XPNPEP3: variants seen among roughly 807,000 people sequenced by gnomAD.
The protein encoded by XPNPEP3 is xaa-Pro aminopeptidase 3.
A neutral mutation model predicts 60.0 loss-of-function variants in XPNPEP3; 41 were observed. The ratio of observed to expected loss-of-function variants is 0.68; its 90% CI spans 0.53 to 0.89. The LOEUF (loss-of-function observed/expected upper bound fraction) is 0.89, where lower values mean the gene tolerates loss of function less well. Among genes scored for constraint, XPNPEP3 ranks in the 40% least tolerant of loss-of-function variants. The pLI, the probability that XPNPEP3 is intolerant of heterozygous loss-of-function variation, is 0.00. For missense variants in XPNPEP3, 598 were observed against 638.9 expected (o/e 0.94, Z 0.69); for synonymous variants, 212 against 223.2 (o/e 0.95, Z 0.45).
intron 7 of XPNPEP3, among the ~76,000 whole-genome samples, chr22:40,918,151 C>G (rs2058203400): frequency 6.6e-6 from 1 of 151,936 alleles, no homozygotes; most frequent in South Asian, 2.1e-4. Flanking sequence ...GCAGGAGGAT[C>G]AGTTGAGGCC....
chr22:40,882,649 A>G (rs1393236102), intron 3 of XPNPEP3, among the ~76,000 whole-genome samples: 1 of 151,158 alleles, frequency 6.6e-6, no homozygotes, highest in Admixed American at 6.6e-5. Flanking sequence ...AAAAAAAAAG[A>G]TTCATTTATT....
chr22:40,889,185 C>T (rs1016664045), intron 4 of XPNPEP3, among the ~76,000 whole-genome samples: 11 of 148,292 alleles, frequency 7.4e-5, no homozygotes, highest in Non-Finnish European at 1.5e-4. Context: ...CACATACCAC[C>T]ATGGCTGTTT....
At chr22:40,861,130 C>G (rs376934804) in intron 1 of XPNPEP3, 4 of 1,613,348 alleles carry the variant, frequency 2.5e-6, no homozygotes, top group South Asian at 1.1e-5. Context: ...CTCTTACCAC[C>G]CTCTTTGACT....
At chr22:40,872,241 T>G (rs1601493023) in intron 2 of XPNPEP3, among the ~76,000 whole-genome samples, 2 of 152,186 alleles carry the variant, frequency 1.3e-5, no homozygotes, top group African/African-American at 4.8e-5. Context: ...GTTCTAGTGA[T>G]TTTCAAAACT....
chr22:40,886,514 A>T lies in XPNPEP3; in HGVS notation c.791A>T (p.Gln264Leu), dbSNP rs1430117456. The part of the protein sequence containing the change: ...RMQIAGKLTS[Q>L]AFIETMFTSK... The stretch of plus-strand genomic sequence containing the variant: ...CAGATTGCTGGGAAGCTGACATCAC[A>T]GGTATGATTCCTATTGAAAAGTTTT... The change falls in exon 4 of 10, where the codon CAG (glutamine) becomes CTG (leucine). Residue 264 changes from glutamine to leucine, a missense_variant and splice_region_variant. Coordinates refer to ENST00000357137, the MANE Select transcript of XPNPEP3 (RefSeq NM_022098.4). 1.2e-6 allele frequency: 2 copies of T among 1,613,678 alleles called. No individual in the cohort carries two copies. Among genetic ancestry groups the T allele is most frequent in the Non-Finnish European group, 1.7e-6 (2 of 1,179,956 alleles).
At chr22:40,922,745 C>CATAT (rs200552752) in intron 8 of XPNPEP3, among the ~76,000 whole-genome samples, 1 of 149,382 alleles carries the variant, frequency 6.7e-6, no homozygotes, top group Non-Finnish European at 1.5e-5. Flanking sequence ...CACACACACA[C>CATAT]ATATATATAT....
At chr22:40,862,734 A>T (rs960587022) in intron 1 of XPNPEP3, 1 of 985,316 alleles carries the variant, frequency 1.0e-6, no homozygotes, top group Admixed American at 6.1e-5. Flanking sequence ...CTGCTGTAAA[A>T]CATGTAATTA....
Position 40,872,335 on chromosome 22 carries a change from G to A in XPNPEP3, c.181+3220G>A, listed in dbSNP as rs116990266. On this transcript the variant is annotated intron_variant, in intron 2 of 9. Coordinates refer to ENST00000357137, the MANE Select transcript of XPNPEP3 (RefSeq NM_022098.4). ...CCATCTCTGTGCTAAGGTCTGTATC[G>A]GTAGAGATGGAAAATGTTGGTCAGT... Among the ~76,000 whole-genome samples, 723 of 152,228 alleles carry A rather than the reference G, an allele frequency of 4.7e-3. 5 individuals are homozygous for A. The highest frequency in any genetic ancestry group is 0.011 in the Admixed American group (174 of 15,294).
At chr22:40,877,083 T>C (rs1343630416) in intron 2 of XPNPEP3, among the ~76,000 whole-genome samples, 1 of 152,222 alleles carries the variant, frequency 6.6e-6, no homozygotes, top group African/African-American at 2.4e-5. Flanking sequence ...GTTTTGCCTT[T>C]TCTTGACTTT....
In XPNPEP3 at chr22:40,928,988, C is replaced by G. The variant is rs1267144465; in HGVS notation, c.*2553C>G. On this transcript the variant is annotated 3_prime_UTR_variant, in exon 10 of 10. Coordinates refer to ENST00000357137, the MANE Select transcript of XPNPEP3 (RefSeq NM_022098.4). ...CTGCACAGCTGGAGTCTCCATCCCC[C>G]ATACCCACCTTCCCACCTCCCTCCA... 6.6e-6 allele frequency: 1 copy of G among 152,140 alleles called. No homozygotes were observed. Among genetic ancestry groups the G allele is most frequent in the East Asian group, 1.9e-4 (1 of 5,190 alleles). The allele number at this position is 152,140 out of a possible 1,614,324, so 9.4% of individuals were successfully genotyped here.
intron 2 of XPNPEP3, among the ~76,000 whole-genome samples, chr22:40,872,196 T>G (rs765392589): frequency 2.4e-4 from 37 of 152,218 alleles, no homozygotes; most frequent in Non-Finnish European, 4.0e-4. Context: ...GAAATTCTGT[T>G]CTGGCTGTGC....
At chr22:40,862,158 T>G (rs1197140739) in intron 1 of XPNPEP3, 4 of 1,430,056 alleles carry the variant, frequency 2.8e-6, no homozygotes, top group East Asian at 5.2e-5. Flanking sequence ...GGATACTGAT[T>G]ATGTGGCAAG....
rs34474574 is a variant in XPNPEP3 at position 40,918,009 on chromosome 22, TAA to T, written c.1055+3704_1055+3705del. Among the ~76,000 whole-genome samples the T allele has an allele frequency of 5.7e-4, 71 of 124,928 alleles. 1 individual carries two copies. The highest frequency in any genetic ancestry group is 3.4e-3 in the East Asian group (15 of 4,470). 82.0% of individuals were successfully genotyped at this position (124,928 alleles called of 152,430 possible). On this transcript the variant is annotated intron_variant, in intron 7 of 9. Transcript: ENST00000357137. ...CTAGGCAGCAGAGTGAGACTCTGTC[TAA>T]AAAAAAAAAAAAAAAAAATCTGTAA...
rs752008538 is a variant in XPNPEP3 at position 40,869,076 on chromosome 22, C to A, written c.142C>A (p.Gln48Lys). 1 of 1,614,066 alleles carries A rather than the reference C, an allele frequency of 6.2e-7. No individual in the cohort carries two copies. Among genetic ancestry groups the A allele is most frequent in the South Asian group, 1.1e-5 (1 of 91,084 alleles). ...ERRIPNRYLGQPSPFTHPHLL... is the reference protein window; with the variant it reads ...ERRIPNRYLGKPSPFTHPHLL... ...GAGGATTCCAAACCGATACTTAGGC[C>A]AGCCCAGCCCCTTTACACACCCACA... is the stretch of plus-strand genomic sequence containing the variant. The change falls in exon 2 of 10, where the codon CAG becomes AAG. Residue 48 changes from glutamine to lysine, a missense_variant. Physicochemically the swap from Gln to Lys is moderately conservative, Grantham distance 53 (BLOSUM62 1). Coordinates refer to ENST00000357137, the MANE Select transcript of XPNPEP3 (RefSeq NM_022098.4).
In XPNPEP3 at chr22:40,890,392, A is replaced by T. The variant is rs193111959; in HGVS notation, c.792+3877A>T. 8.2e-3 allele frequency among the ~76,000 whole-genome samples: 1,243 copies of T among 151,768 alleles called. 16 individuals carry two copies. The highest frequency in any genetic ancestry group is 0.029 in the African/African-American group (1,189 of 41,318). On this transcript the variant is annotated intron_variant, in intron 4 of 9. Transcript: ENST00000357137. ...GAGAGACCCCCCCATCTCTACAAAA[A>T]TTTTTTTAAAATAGCCAAGTGTGGT... is the stretch of plus-strand genomic sequence containing the variant.
Position 40,927,918 on chromosome 22 carries a change from G to C in XPNPEP3, c.*1483G>C, listed in dbSNP as rs1445820478. The C allele has an allele frequency of 6.7e-6, 1 of 149,180 alleles. No individual in the cohort carries two copies. Among genetic ancestry groups the C allele is most frequent in the African/African-American group, 2.5e-5 (1 of 40,648 alleles). The allele number at this position is 149,180 out of a possible 1,614,324, so 9.2% of individuals were successfully genotyped here. A position where few individuals can be genotyped will look rare whatever the true frequency, so the allele number is the denominator to read the frequency against. On this transcript the variant is annotated 3_prime_UTR_variant, in exon 10 of 10. Transcript: ENST00000357137. ...GAAAAAAAAAAGAAAGATTTCTTTC[G>C]CAGATATCCCTGCTCCCTCTATAGA...
chr22:40,861,570 C>T, intron 1 of XPNPEP3: 8 of 1,613,388 alleles, frequency 5.0e-6, no homozygotes, highest in South Asian at 1.1e-5. Context: ...TGGATATTCA[C>T]TGGCAGTGGA....
intron 3 of XPNPEP3, among the ~76,000 whole-genome samples, chr22:40,882,926 T>G (rs2058054039): frequency 6.6e-6 from 1 of 152,164 alleles, no homozygotes; most frequent in Non-Finnish European, 1.5e-5. Context: ...AGAATTTTCT[T>G]TTAAAGCAAA....
At chr22:40,884,091 A>G (rs761092361) in intron 3 of XPNPEP3, among the ~76,000 whole-genome samples, 1 of 152,180 alleles carries the variant, frequency 6.6e-6, no homozygotes, top group Non-Finnish European at 1.5e-5. Flanking sequence ...AATACATTTG[A>G]TTAAATTCTT....
Sources: allele counts gnomAD v4.1 joint callset (sites outside exome capture counted in the v4.1 genomes callset), GRCh38; gene constraint gnomAD v4.1.1; transcripts MANE v1.5; gene names NCBI Gene and HGNC (gene_info 2026-07-23, HGNC 2026-07-21).